The following PCDHGC3 variants were observed in gnomAD, a reference collection of about 807,000 sequenced individuals.
PCDHGC3 encodes protocadherin gamma subfamily C, 3, also known as protocadherin gamma-C3.
In PCDHGC3, 26 loss-of-function variants were observed where a neutral mutation model predicts 59.2. The ratio of observed to expected loss-of-function variants is 0.44; its 90% CI spans 0.32 to 0.61. PCDHGC3 has a LOEUF of 0.61. Ranked by LOEUF, PCDHGC3 falls within the 20% of genes least tolerant of loss-of-function variation. PCDHGC3 has a pLI of 0.05. For synonymous variants in PCDHGC3, 487 were observed against 519.7 expected, an observed-to-expected ratio of 0.94 and a Z score of 0.86; for missense variants, 1,080 against 1,221.8, an observed-to-expected ratio of 0.88 and a Z score of 1.73.
chr5:141,477,551 C>A lies in PCDHGC3; in HGVS notation c.1435C>A (p.Leu479Ile). The A allele has an allele frequency of 6.2e-7, 1 of 1,614,178 alleles. No homozygotes were observed. The highest frequency in any genetic ancestry group is 1.3e-5 in the African/African-American group (1 of 75,032). ...NNLPGAPILN[L>I]SVWDPDAPQN... ...CCTCCCCGGGGCTCCAATACTAAAC[C>A]TAAGTGTCTGGGACCCCGACGCCCC... is the stretch of plus-strand genomic sequence containing the variant. Residue 479 changes from leucine (L) to isoleucine (I), a missense_variant, in exon 1 of 4, where the codon CTA becomes ATA. Physicochemically the swap from Leu to Ile is conservative, Grantham distance 5. Transcript: ENST00000308177. The surrounding 1 kb of genome is among the most constrained non-coding windows in gnomAD (Gnocchi z 4.9).
At position 141,485,133 on chromosome 5, in the gene PCDHGC3, C is replaced by A; in HGVS notation, c.2430+6587C>A. On this transcript the variant is annotated intron_variant, in intron 1 of 3. Transcript: ENST00000308177. The surrounding 1 kb of genome is among the most constrained non-coding windows in gnomAD (Gnocchi z 5.7). Reference sequence around the variant, plus strand: ...GCTGTTTGGGGCGGGTCGGCTTCATCCGCGTCTCAGGAGCAAGTAGAGAAT... The same window carrying A: ...GCTGTTTGGGGCGGGTCGGCTTCATACGCGTCTCAGGAGCAAGTAGAGAAT... The A allele has an allele frequency of 2.7e-6, 4 of 1,492,492 alleles. No homozygotes were observed. The highest frequency in any genetic ancestry group is 1.7e-5 in the Admixed American group (1 of 58,334). The allele number at this position is 1,492,492 out of a possible 1,614,324, so 92.5% of individuals were successfully genotyped here.
Position 141,490,019 on chromosome 5 carries a change from T to C in PCDHGC3, c.2431-4788T>C. 2 of 1,614,272 alleles carry C rather than the reference T, an allele frequency of 1.2e-6. No homozygotes were observed. Among genetic ancestry groups the C allele is most frequent in the East Asian group, 2.2e-5 (1 of 44,886 alleles). ...CCAGAGAATGCACCCATTGGTACTCTGCTGCTCCGCCTCAATGCCACTGAT... is the reference window on the plus strand; with the variant it reads ...CCAGAGAATGCACCCATTGGTACTCCGCTGCTCCGCCTCAATGCCACTGAT... On this transcript the variant is annotated intron_variant, in intron 1 of 3. Coordinates refer to ENST00000308177, the MANE Select transcript of PCDHGC3 (RefSeq NM_002588.4). This position sits in a 1 kb window ranked among gnomAD's most constrained non-coding sequence, Gnocchi z 5.4.
chr5:141,509,601 G>A (rs2099877534), intron 3 of PCDHGC3, among the ~76,000 whole-genome samples: 1 of 152,144 alleles, frequency 6.6e-6, no homozygotes, highest in Non-Finnish European at 1.5e-5. Flanking sequence ...ATTCCGAGAG[G>A]CTGCATTCTA....
In PCDHGC3 at chr5:141,485,457, T is replaced by G; in HGVS notation, c.2430+6911T>G. 1 of 1,614,124 alleles carries G rather than the reference T, an allele frequency of 6.2e-7. No individual in the cohort carries two copies. Among genetic ancestry groups the G allele is most frequent in the Non-Finnish European group, 8.5e-7 (1 of 1,180,020 alleles). On this transcript the variant is annotated intron_variant, in intron 1 of 3. Coordinates refer to ENST00000308177, the MANE Select transcript of PCDHGC3 (RefSeq NM_002588.4). This position sits in a 1 kb window ranked among gnomAD's most constrained non-coding sequence, Gnocchi z 5.7. ...AAGAACCCAATCGACCGAGAGGCAC[T>G]GTGTGGGCTCAGTGCCAGCTGCATC...
intron 3 of PCDHGC3, 118 bp downstream of exon 3, chr5:141,505,599 G>A (rs936757644): frequency 1.5e-5 from 23 of 1,555,468 alleles, no homozygotes; most frequent in South Asian, 2.4e-5. Flanking sequence ...CAGATCTTTC[G>A]GCAGGTCTGA....
chr5:141,502,003 G>A (rs945565369), intron 2 of PCDHGC3, among the ~76,000 whole-genome samples: 17 of 151,966 alleles, frequency 1.1e-4, no homozygotes, highest in Admixed American at 1.1e-3. Flanking sequence ...CTGACAACCC[G>A]CATGCTCTCC....
rs930862898 is a variant in PCDHGC3 at position 141,480,073 on chromosome 5, C to A, written c.2430+1527C>A. ...GGAATAATAAGTGTTTTATAAGATT[C>A]ATGCATGATATAATGTATGCAAAGT... On this transcript the variant is annotated intron_variant, in intron 1 of 3. Coordinates refer to ENST00000308177, the MANE Select transcript of PCDHGC3 (RefSeq NM_002588.4). Among the ~76,000 whole-genome samples, 5 of 152,174 alleles carry A rather than the reference C, an allele frequency of 3.3e-5. No homozygotes were observed. In the South Asian group the frequency reaches 8.3e-4, roughly 25 times the overall value.
At chr5:141,480,085 A>G (rs2099512286) in intron 1 of PCDHGC3, among the ~76,000 whole-genome samples, 1 of 152,216 alleles carries the variant, frequency 6.6e-6, no homozygotes, top group Admixed American at 6.5e-5. Context: ...TGCATGATAT[A>G]ATGTATGCAA....
At position 141,489,783 on chromosome 5, in the gene PCDHGC3, T is replaced by C; in HGVS notation, c.2431-5024T>C. The C allele has an allele frequency of 6.2e-7, 1 of 1,614,164 alleles. No individual in the cohort carries two copies. On this transcript the variant is annotated intron_variant, in intron 1 of 3. Transcript: ENST00000308177. The surrounding 1 kb of genome is among the most constrained non-coding windows in gnomAD (Gnocchi z 4.5). ...GCCCCAACAGCCACTTCTCTCTGAA[T>C]GTGAAGACCCTAAAAGATGGGAAGC... is the stretch of plus-strand genomic sequence containing the variant.
chr5:141,498,045 A>G (rs1368474174), intron 2 of PCDHGC3, among the ~76,000 whole-genome samples: 4 of 152,256 alleles, frequency 2.6e-5, no homozygotes, highest in Non-Finnish European at 4.4e-5. Flanking sequence ...AATTACAAAA[A>G]TAAATGTGAG....
Position 141,491,095 on chromosome 5 carries a change from T to C in PCDHGC3, c.2431-3712T>C, listed in dbSNP as rs1366401829. On this transcript the variant is annotated intron_variant, in intron 1 of 3. Coordinates refer to ENST00000308177, the MANE Select transcript of PCDHGC3 (RefSeq NM_002588.4). The surrounding 1 kb of genome is among the most constrained non-coding windows in gnomAD (Gnocchi z 6.9). ...GCCACAGTCCACAGCCCCAGGACTG[T>C]TCCTCGTGTCTACACACACTGGTGA... The C allele has an allele frequency of 3.7e-6, 6 of 1,614,154 alleles. No homozygotes were observed. The highest frequency in any genetic ancestry group is 4.2e-6 in the Non-Finnish European group (5 of 1,180,014).
rs1055747392 is a variant in PCDHGC3 at position 141,490,298 on chromosome 5, C to G, written c.2431-4509C>G. 6.2e-7 allele frequency: 1 copy of G among 1,614,178 alleles called. No individual in the cohort carries two copies. The highest frequency in any genetic ancestry group is 1.3e-5 in the African/African-American group (1 of 75,036). On this transcript the variant is annotated intron_variant, in intron 1 of 3. Transcript: ENST00000308177. The surrounding 1 kb of genome is among the most constrained non-coding windows in gnomAD (Gnocchi z 5.4). ...GACAATGCCCCAGAGGTGCTATTGG[C>G]CTCTTTGGCCAACCCTGTCCTAGAG...
rs777780708 is a variant in PCDHGC3, at chr5:141,489,934, G to C, written c.2431-4873G>C. ...AGGGACCACCCTTATCTCTGTCATC[G>C]TGCTGGACATCAATGATAATGCTCC... On this transcript the variant is annotated intron_variant, in intron 1 of 3. Transcript: ENST00000308177. The surrounding 1 kb of genome is among the most constrained non-coding windows in gnomAD (Gnocchi z 4.5). The C allele has an allele frequency of 1.4e-5, 23 of 1,614,176 alleles. No homozygotes were observed. Among genetic ancestry groups the C allele is most frequent in the Non-Finnish European group, 1.8e-5 (21 of 1,180,030 alleles).
Position 141,490,198 on chromosome 5 carries a change from G to A in PCDHGC3, c.2431-4609G>A. ...GGAGTCACGTTTCTATGAAATTCAT[G>A]CAAGAGCCCGTGACCAGGGACAGCC... On this transcript the variant is annotated intron_variant, in intron 1 of 3. Coordinates refer to ENST00000308177, the MANE Select transcript of PCDHGC3 (RefSeq NM_002588.4). The surrounding 1 kb of genome is among the most constrained non-coding windows in gnomAD (Gnocchi z 5.4). The A allele has an allele frequency of 6.2e-7, 1 of 1,614,208 alleles. No homozygotes were observed. Among genetic ancestry groups the A allele is most frequent in the Non-Finnish European group, 8.5e-7 (1 of 1,180,038 alleles).
At chr5:141,497,077 G>A (rs191605427) in intron 2 of PCDHGC3, among the ~76,000 whole-genome samples, 4 of 151,990 alleles carry the variant, frequency 2.6e-5, no homozygotes, top group East Asian at 3.9e-4. Flanking sequence ...TAATCCCAGC[G>A]ACTTAGGAGG....
rs779656906 is a variant in PCDHGC3 at position 141,476,872 on chromosome 5, C to T, written c.756C>T (p.Arg252=). Residue 252 remains arginine (R), a synonymous_variant, in exon 1 of 4, where the codon CGC becomes CGT. Transcript: ENST00000308177. The surrounding 1 kb of genome is among the most constrained non-coding windows in gnomAD (Gnocchi z 7.6). ...PVFNQSLYRA[R]VLEDAPSGTR... is the part of the protein sequence containing the mutation. ...TCAACCAGTCCTTGTACCGGGCGCG[C>T]GTCCTGGAGGATGCACCCTCCGGCA... 1.6e-4 allele frequency: 254 copies of T among 1,613,734 alleles called. No individual in the cohort carries two copies. The highest frequency in any genetic ancestry group is 2.1e-4 in the Non-Finnish European group (248 of 1,180,054).
intron 1 of PCDHGC3, 146 bp from the exon 2 acceptor site, chr5:141,494,661 G>C (rs2099755951): frequency 6.7e-7 from 1 of 1,492,856 alleles, no homozygotes; most frequent in African/African-American, 1.4e-5. Context: ...TTTGTCTTTG[G>C]AGATGAGTCC....
chr5:141,511,374 CA>C lies in PCDHGC3; in HGVS notation c.*202del. ...CCCCAGGGGGTTGAATATGCAAAAG[CA>C]GTTCCGCTGGGAACCCCCATCCAAT... On this transcript the variant is annotated 3_prime_UTR_variant, in exon 4 of 4. Coordinates refer to ENST00000308177, the MANE Select transcript of PCDHGC3 (RefSeq NM_002588.4). The C allele has an allele frequency of 8.0e-7, 1 of 1,242,392 alleles. No individual in the cohort carries two copies. 77.0% of individuals were successfully genotyped at this position (1,242,392 alleles called of 1,614,324 possible).
chr5:141,476,772 G>A lies in PCDHGC3; in HGVS notation c.656G>A (p.Gly219Glu). 1 of 1,613,650 alleles carries A rather than the reference G, an allele frequency of 6.2e-7. No homozygotes were observed. Among genetic ancestry groups the A allele is most frequent in the South Asian group, 1.1e-5 (1 of 91,086 alleles). ...SLQLVLTALD[G>E]GTPALSASLP... ...CAGTTAGTGCTGACGGCGTTGGACG[G>A]AGGGACCCCAGCTCTCTCCGCCAGC... is the stretch of plus-strand genomic sequence containing the variant. The change falls in exon 1 of 4, where the codon GGA becomes GAA. Residue 219 changes from glycine (G) to glutamate (E), a missense_variant. Physicochemically the swap from Gly to Glu is moderately conservative, Grantham distance 98 (BLOSUM62 -2). Coordinates refer to ENST00000308177, the MANE Select transcript of PCDHGC3 (RefSeq NM_002588.4). The surrounding 1 kb of genome is among the most constrained non-coding windows in gnomAD (Gnocchi z 7.6).
Sources: allele counts gnomAD v4.1 joint callset (sites outside exome capture counted in the v4.1 genomes callset), GRCh38; gene constraint gnomAD v4.1.1; non-coding constraint Gnocchi (gnomAD v3.1); transcripts MANE v1.5; gene names NCBI Gene and HGNC (gene_info 2026-07-23, HGNC 2026-07-21).